MAML3: variants seen among roughly 807,000 people sequenced by gnomAD.
MAML3 encodes mastermind like transcriptional coactivator 3.
In MAML3, 27 loss-of-function variants were observed where a neutral mutation model predicts 101.9. That is an observed-to-expected ratio of 0.27 (90% CI 0.20 to 0.37). The LOEUF (loss-of-function observed/expected upper bound fraction) is 0.37, where lower values mean the gene tolerates loss of function less well. MAML3 is among the 10% of genes least tolerant of loss of function. MAML3 has a pLI of 1.00. For synonymous variants in MAML3, 501 were observed against 555.9 expected, an observed-to-expected ratio of 0.90 and a Z score of 1.39; for missense variants, 1,316 against 1,444.9, an observed-to-expected ratio of 0.91 and a Z score of 1.45.
At chr4:140,096,061 T>C (rs1489187671) in intron 1 of MAML3, among the ~76,000 whole-genome samples, 5 of 152,262 alleles carry the variant, frequency 3.3e-5, no homozygotes, top group African/African-American at 1.2e-4. Context: ...GATTACTAGC[T>C]GATGCTCTCT....
At chr4:139,879,350 A>C (rs1578643800) in intron 2 of MAML3, among the ~76,000 whole-genome samples, 1 of 151,438 alleles carries the variant, frequency 6.6e-6, no homozygotes, top group African/African-American at 2.4e-5. Flanking sequence ...ACATGGTGAA[A>C]CCCCATGTCT....
At chr4:140,145,804 T>C (rs902172982) in intron 1 of MAML3, among the ~76,000 whole-genome samples, 3 of 151,406 alleles carry the variant, frequency 2.0e-5, no homozygotes, top group Admixed American at 1.3e-4. Flanking sequence ...GACCTCGTGA[T>C]CTGCCCGCTC....
intron 1 of MAML3, among the ~76,000 whole-genome samples, chr4:139,941,080 T>A (rs954517453): frequency 6.6e-6 from 1 of 152,226 alleles, no homozygotes; most frequent in African/African-American, 2.4e-5. Context: ...AGATTTGGTC[T>A]AGGGTTTCAA....
At chr4:139,838,729 T>C (rs1427312093) in intron 2 of MAML3, among the ~76,000 whole-genome samples, 1 of 152,200 alleles carries the variant, frequency 6.6e-6, no homozygotes, top group Non-Finnish European at 1.5e-5. Context: ...CAAGATACTG[T>C]TCTGCATGTT....
At chr4:140,046,697 C>T (rs1242506564) in intron 1 of MAML3, among the ~76,000 whole-genome samples, 1 of 151,934 alleles carries the variant, frequency 6.6e-6, no homozygotes, top group Admixed American at 6.6e-5. Context: ...GAAGACACAG[C>T]TCTGGGCCTG....
chr4:139,887,737 G>A (rs776998821), intron 2 of MAML3, among the ~76,000 whole-genome samples: 38 of 152,186 alleles, frequency 2.5e-4, no homozygotes, highest in Non-Finnish European at 3.2e-4. Context: ...TAAGAACAGC[G>A]AATGTAGAAG....
At chr4:139,887,545 AC>A (rs1428361483) in intron 2 of MAML3, among the ~76,000 whole-genome samples, 1 of 152,220 alleles carries the variant, frequency 6.6e-6, no homozygotes, top group Non-Finnish European at 1.5e-5. Flanking sequence ...TCAAAGAAGT[AC>A]CCTTAAAACT....
chr4:139,760,810 T>C (rs750177316), intron 2 of MAML3, among the ~76,000 whole-genome samples: 6 of 151,942 alleles, frequency 3.9e-5, no homozygotes, highest in Non-Finnish European at 7.4e-5. Context: ...GACATGAGAG[T>C]GAGAAACAGC....
At position 139,955,085 on chromosome 4, in the gene MAML3, T is replaced by C. The variant is rs189287169; in HGVS notation, c.469-64118A>G. Among the ~76,000 whole-genome samples, 41 of 152,240 alleles carry C rather than the reference T, an allele frequency of 2.7e-4. 1 individual carries two copies. In the South Asian group the frequency reaches 4.6e-3, roughly 17 times the overall value. Reference sequence around the variant, plus strand: ...TCAGCTTGCAGGTCTAGTCTTTATCTCTGAATATTCTAAGATCTTTGGGAC... The same window carrying C: ...TCAGCTTGCAGGTCTAGTCTTTATCCCTGAATATTCTAAGATCTTTGGGAC... On this transcript the variant is annotated intron_variant, in intron 1 of 4. Transcript: ENST00000509479.
In MAML3 at chr4:139,907,943, C is replaced by A. The variant is rs527344866; in HGVS notation, c.469-16976G>T. 2.6e-5 allele frequency among the ~76,000 whole-genome samples: 4 copies of A among 152,300 alleles called. No homozygotes were observed. The South Asian group carries it at 8.3e-4, about 32-fold the overall frequency. ...GGACCAGGTTACATATAGAAGCCGT[C>A]TACCTTTTCTGGGTGTCCACATTGC... On this transcript the variant is annotated intron_variant, in intron 1 of 4. Transcript: ENST00000509479.
At chr4:139,806,368 A>G (rs1333266381) in intron 2 of MAML3, among the ~76,000 whole-genome samples, 1 of 152,176 alleles carries the variant, frequency 6.6e-6, no homozygotes. Flanking sequence ...AATTCTTAAC[A>G]GATGTTCAGT....
chr4:140,070,115 CAAATAAATAAATAAAT>C (rs60471093), intron 1 of MAML3, among the ~76,000 whole-genome samples: 1 of 149,762 alleles, frequency 6.7e-6, no homozygotes, highest in African/African-American at 2.5e-5. Context: ...GACTCCATCT[CAAATAAATAAATAAAT>C]AAATAAATAA....
chr4:139,974,502 A>G (rs553631255), intron 1 of MAML3, among the ~76,000 whole-genome samples: 1 of 152,278 alleles, frequency 6.6e-6, no homozygotes, highest in Admixed American at 6.5e-5. Context: ...TCATTCCTTA[A>G]TGTACTTATA....
intron 2 of MAML3, among the ~76,000 whole-genome samples, chr4:139,847,089 T>C (rs981506866): frequency 6.6e-6 from 1 of 152,222 alleles, no homozygotes; most frequent in African/African-American, 2.4e-5. Flanking sequence ...TTTCACCACT[T>C]GACAAATCTC....
chr4:139,988,647 G>C (rs1200141881), intron 1 of MAML3, among the ~76,000 whole-genome samples: 1 of 152,128 alleles, frequency 6.6e-6, no homozygotes, highest in African/African-American at 2.4e-5. Context: ...GACAGGAAGG[G>C]GCAAAAGAGG....
In MAML3 at chr4:139,785,685, T is replaced by C. The variant is rs775123268; in HGVS notation, c.2080-55018A>G. On this transcript the variant is annotated intron_variant, in intron 2 of 4. Transcript: ENST00000509479. The surrounding 1 kb of genome is among the most constrained non-coding windows in gnomAD (Gnocchi z 4.3). The stretch of plus-strand genomic sequence containing the variant: ...ATCTCTGCACTAATTTTTTTTTTCC[T>C]GTGATAAAACAGATTTCCTGAATTT... Among the ~76,000 whole-genome samples, 24 of 152,122 alleles carry C rather than the reference T, an allele frequency of 1.6e-4. No individual in the cohort carries two copies. Among genetic ancestry groups the C allele is most frequent in the Non-Finnish European group, 2.5e-4 (17 of 68,028 alleles).
At chr4:140,085,501 CAGGAAA>C (rs938319521) in intron 1 of MAML3, among the ~76,000 whole-genome samples, 2 of 152,132 alleles carry the variant, frequency 1.3e-5, no homozygotes, top group Admixed American at 6.5e-5. Context: ...CCATTTGACT[CAGGAAA>C]AGGAAAACAA....
Position 139,889,859 on chromosome 4 carries a change from C to T in MAML3, c.1577G>A (p.Ser526Asn). Residue 526 changes from serine to asparagine, a missense_variant, in exon 2 of 5, where the codon AGT becomes AAT. Transcript: ENST00000509479. ...TGCAGTAAAAGCTGCTCCATATGGA[C>T]TAGAGGGAGGTCCTAAGGGAGACCA... ...SNWSPLGPPS[S>N]PYGAAFTAEK... 1 of 1,613,478 alleles carries T rather than the reference C, an allele frequency of 6.2e-7. No homozygotes were observed. Among genetic ancestry groups the T allele is most frequent in the Non-Finnish European group, 8.5e-7 (1 of 1,179,850 alleles).
intron 1 of MAML3, among the ~76,000 whole-genome samples, chr4:140,109,967 A>G (rs1446968857): frequency 6.6e-6 from 1 of 152,194 alleles, no homozygotes; most frequent in Admixed American, 6.5e-5. Flanking sequence ...CTTCAAAATT[A>G]TTTTATTCCT....
Sources: gnomAD v4.1 joint callset for allele counts (sites outside exome capture counted in the v4.1 genomes callset) on GRCh38, gnomAD v4.1.1 for gene constraint, Gnocchi (gnomAD v3.1) non-coding constraint, MANE v1.5 for transcripts, NCBI Gene and HGNC (gene_info 2026-07-23, HGNC 2026-07-21) for gene names.